Variants in PCDHGC3 observed in about 807,000 individuals in gnomAD.
PCDHGC3 encodes protocadherin gamma-C3.
A neutral mutation model predicts 59.2 loss-of-function variants in PCDHGC3; 26 were observed. The ratio of observed to expected loss-of-function variants is 0.44; its 90% CI spans 0.32 to 0.61. The LOEUF is 0.61. Ranked by LOEUF, PCDHGC3 falls within the 20% of genes least tolerant of loss-of-function variation. PCDHGC3 has a pLI of 0.05. For missense variants in PCDHGC3, 1,080 were observed against 1,221.8 expected (o/e 0.88, Z 1.73); for synonymous variants, 487 against 519.7 (o/e 0.94, Z 0.86).
At position 141,490,735 on chromosome 5, in the gene PCDHGC3, C is replaced by T; in HGVS notation, c.2431-4072C>T. The T allele has an allele frequency of 2.5e-6, 4 of 1,614,194 alleles. No individual in the cohort carries two copies. Among genetic ancestry groups the T allele is most frequent in the Non-Finnish European group, 2.5e-6 (3 of 1,180,018 alleles). ...CTACTCCATTGTAGGAAATCAGGTTCAGGGAGCCCCAGCCTCCTCCTTTGT... is the reference window on the plus strand; with the variant it reads ...CTACTCCATTGTAGGAAATCAGGTTTAGGGAGCCCCAGCCTCCTCCTTTGT... On this transcript the variant is annotated intron_variant, in intron 1 of 3. Transcript: ENST00000308177. This position sits in a 1 kb window ranked among gnomAD's most constrained non-coding sequence, Gnocchi z 5.4.
rs185280755 is a variant in PCDHGC3 at position 141,476,824 on chromosome 5, C to T, written c.708C>T (p.Asp236=). Reference sequence around the variant, plus strand: ...TGCCTATTCACATCAAGGTGCTGGACGCGAATGACAATGCGCCTGTCTTCA... The same window carrying T: ...TGCCTATTCACATCAAGGTGCTGGATGCGAATGACAATGCGCCTGTCTTCA... ...ASLPIHIKVL[D]ANDNAPVFNQ... Residue 236 remains aspartate, a synonymous_variant, in exon 1 of 4, where the codon GAC becomes GAT. Transcript: ENST00000308177. This position sits in a 1 kb window ranked among gnomAD's most constrained non-coding sequence, Gnocchi z 7.6. 24 of 1,613,588 alleles carry T rather than the reference C, an allele frequency of 1.5e-5. No homozygotes were observed. The East Asian group carries it at 4.5e-4, about 30-fold the overall frequency.
rs1188941232 is a variant in PCDHGC3, at chr5:141,512,270, G to A, written c.*1097G>A. ...TCTGTGGGTGCTGGGTACTCCAGAG[G>A]TGCCACTGGTGGAAGGGTCAGCGGA... On this transcript the variant is annotated 3_prime_UTR_variant, in exon 4 of 4. Coordinates refer to ENST00000308177, the MANE Select transcript of PCDHGC3 (RefSeq NM_002588.4). The A allele has an allele frequency of 1.3e-5, 2 of 152,714 alleles. No individual in the cohort carries two copies. The highest frequency in any genetic ancestry group is 2.9e-5 in the Non-Finnish European group (2 of 68,100). The allele number at this position is 152,714 out of a possible 1,614,324, so 9.5% of individuals were successfully genotyped here.
rs760095389 is a variant in PCDHGC3, at chr5:141,486,731, A to G, written c.2431-8076A>G. On this transcript the variant is annotated intron_variant, in intron 1 of 3. Transcript: ENST00000308177. The surrounding 1 kb of genome is among the most constrained non-coding windows in gnomAD (Gnocchi z 5.0). ...CCCCCAGACAGGAGCTGTTCATGCT[A>G]CTCGATCCTTTGACTATGAGCAAAC... The G allele has an allele frequency of 6.2e-7, 1 of 1,614,060 alleles. No individual in the cohort carries two copies. Among genetic ancestry groups the G allele is most frequent in the Non-Finnish European group, 8.5e-7 (1 of 1,180,012 alleles).
chr5:141,500,901 G>T (rs984072329), intron 2 of PCDHGC3, among the ~76,000 whole-genome samples: 1 of 144,582 alleles, frequency 6.9e-6, no homozygotes, highest in Non-Finnish European at 1.5e-5. Context: ...AGACAGTCTC[G>T]CTCTGTCTCC....
chr5:141,510,802 C>T (rs1358684730), intron 3 of PCDHGC3, 145 bp from the exon 4 acceptor site: 1 of 1,497,192 alleles, frequency 6.7e-7, no homozygotes, highest in African/African-American at 1.4e-5. Context: ...AGAGAGACTA[C>T]CTTGGTGACC....
intron 1 of PCDHGC3, among the ~76,000 whole-genome samples, chr5:141,492,781 T>C (rs945023154): frequency 9.9e-5 from 15 of 152,194 alleles, no homozygotes; most frequent in African/African-American, 3.6e-4. Flanking sequence ...TGAGTGAGCC[T>C]CTATAGGACA....
Position 141,511,378 on chromosome 5 carries a change from T to C in PCDHGC3, c.*205T>C. 1 of 1,202,114 alleles carries C rather than the reference T, an allele frequency of 8.3e-7. No homozygotes were observed. The highest frequency in any genetic ancestry group is 1.1e-6 in the Non-Finnish European group (1 of 882,194). The allele number at this position is 1,202,114 out of a possible 1,614,324, so 74.5% of individuals were successfully genotyped here. A position where few individuals can be genotyped will look rare whatever the true frequency, so the allele number is the denominator to read the frequency against. On this transcript the variant is annotated 3_prime_UTR_variant, in exon 4 of 4. Coordinates refer to ENST00000308177, the MANE Select transcript of PCDHGC3 (RefSeq NM_002588.4). ...AGGGGGTTGAATATGCAAAAGCAGT[T>C]CCGCTGGGAACCCCCATCCAATCAA...
At chr5:141,481,070 A>G (rs2099531062) in intron 1 of PCDHGC3, among the ~76,000 whole-genome samples, 1 of 152,144 alleles carries the variant, frequency 6.6e-6, no homozygotes, top group South Asian at 2.1e-4. Context: ...AAACAAAAAG[A>G]AAGAAAGAAA....
At position 141,477,115 on chromosome 5, in the gene PCDHGC3, A is replaced by G. The variant is rs1218111107; in HGVS notation, c.999A>G (p.Gly333=). ...AAGACAAGGGCGCCAATCCCGAAGG[A>G]GCACATTGCAAAGTGTTGGTGGAGG... ...QAKDKGANPE[G]AHCKVLVEVV... The change falls in exon 1 of 4, where the codon GGA becomes GGG. Residue 333 remains glycine, a synonymous_variant. Transcript: ENST00000308177. This position sits in a 1 kb window ranked among gnomAD's most constrained non-coding sequence, Gnocchi z 4.9. 1 of 1,614,230 alleles carries G rather than the reference A, an allele frequency of 6.2e-7. No homozygotes were observed. Among genetic ancestry groups the G allele is most frequent in the South Asian group, 1.1e-5 (1 of 91,090 alleles).
chr5:141,503,960 T>TTC (rs2099834474), intron 2 of PCDHGC3, among the ~76,000 whole-genome samples: 1 of 152,172 alleles, frequency 6.6e-6, no homozygotes, highest in Admixed American at 6.5e-5. Flanking sequence ...CCTACAGCCT[T>TTC]TCCCATGGTG....
chr5:141,477,512 A>G lies in PCDHGC3; in HGVS notation c.1396A>G (p.Ile466Val). 1.9e-6 allele frequency: 3 copies of G among 1,614,156 alleles called. No homozygotes were observed. Among genetic ancestry groups the G allele is most frequent in the South Asian group, 2.2e-5 (2 of 91,072 alleles). ...TTCTCAATCTTCCTACGACGTTTAC[A>G]TTGAAGAAAACAACCTCCCCGGGGC... ...QSSQSSYDVYIEENNLPGAPI... is the reference protein window; with the variant it reads ...QSSQSSYDVYVEENNLPGAPI... The change falls in exon 1 of 4, where the codon ATT becomes GTT. Residue 466 changes from isoleucine to valine, a missense_variant. Ile to Val is a conservative substitution (Grantham distance 29). Transcript: ENST00000308177. This position sits in a 1 kb window ranked among gnomAD's most constrained non-coding sequence, Gnocchi z 4.9.
In PCDHGC3 at chr5:141,477,602, C is replaced by G. The variant is rs772296229; in HGVS notation, c.1486C>G (p.Leu496Val). ...GCAGAATGCTCGGCTTTCTTTCTTT[C>G]TCTTGGAGCAAGGAGCTGAAACCGG... ...APQNARLSFFLLEQGAETGLV... is the reference protein window; with the variant it reads ...APQNARLSFFVLEQGAETGLV... The change falls in exon 1 of 4, where the codon CTC becomes GTC. Residue 496 changes from leucine to valine, a missense_variant. Physicochemically the swap from Leu to Val is conservative, Grantham distance 32 (BLOSUM62 1). Coordinates refer to ENST00000308177, the MANE Select transcript of PCDHGC3 (RefSeq NM_002588.4). This position sits in a 1 kb window ranked among gnomAD's most constrained non-coding sequence, Gnocchi z 4.9. 6.2e-7 allele frequency: 1 copy of G among 1,614,098 alleles called. No homozygotes were observed. Among genetic ancestry groups the G allele is most frequent in the East Asian group, 2.2e-5 (1 of 44,898 alleles).
Position 141,477,161 on chromosome 5 carries a change from G to A in PCDHGC3, c.1045G>A (p.Ala349Thr), listed in dbSNP as rs761453939. Residue 349 changes from alanine to threonine, a missense_variant, in exon 1 of 4, where the codon GCC (alanine) becomes ACC (threonine). Transcript: ENST00000308177. The surrounding 1 kb of genome is among the most constrained non-coding windows in gnomAD (Gnocchi z 4.9). ...LVEVVDVNDN[A>T]PEITVTSVYS... ...GGAGGTTGTGGATGTGAATGACAAC[G>A]CCCCGGAGATCACAGTCACCTCCGT... 1.9e-6 allele frequency: 3 copies of A among 1,613,988 alleles called. No individual in the cohort carries two copies. The highest frequency in any genetic ancestry group is 2.7e-5 in the African/African-American group (2 of 74,904).
Position 141,477,856 on chromosome 5 carries a change from G to T in PCDHGC3, c.1740G>T (p.Leu580=), listed in dbSNP as rs773703641. ...PRPGGSSVEM[L]PRGTSAGHLV... ...CAGGTGGGAGCTCGGTGGAGATGCTGCCTCGAGGTACCTCAGCTGGCCACC... is the reference window on the plus strand; with the variant it reads ...CAGGTGGGAGCTCGGTGGAGATGCTTCCTCGAGGTACCTCAGCTGGCCACC... Residue 580 remains leucine, a synonymous_variant, in exon 1 of 4, where the codon CTG becomes CTT. Coordinates refer to ENST00000308177, the MANE Select transcript of PCDHGC3 (RefSeq NM_002588.4). This position sits in a 1 kb window ranked among gnomAD's most constrained non-coding sequence, Gnocchi z 4.9. 1 of 1,613,474 alleles carries T rather than the reference G, an allele frequency of 6.2e-7. No homozygotes were observed. Among genetic ancestry groups the T allele is most frequent in the Non-Finnish European group, 8.5e-7 (1 of 1,179,854 alleles).
chr5:141,499,689 C>CTTTTTTTT (rs545067566), intron 2 of PCDHGC3, among the ~76,000 whole-genome samples: 2 of 119,854 alleles, frequency 1.7e-5, no homozygotes, highest in Non-Finnish European at 1.7e-5. Context: ...TAACAGATGA[C>CTTTTTTTT]TTTTTTTTTT....
intron 1 of PCDHGC3, chr5:141,479,712 C>T (rs1488849933): frequency 6.6e-6 from 1 of 152,216 alleles, no homozygotes; most frequent in Non-Finnish European, 1.5e-5. Flanking sequence ...CCCTGTCCTT[C>T]CAGCCTTATT....
At chr5:141,488,738 ATGCAGGAAGT>A (rs771423337) in intron 1 of PCDHGC3, among the ~76,000 whole-genome samples, 1 of 152,222 alleles carries the variant, frequency 6.6e-6, no homozygotes, top group Non-Finnish European at 1.5e-5. Flanking sequence ...TTCTGAAGTC[ATGCAGGAAGT>A]TGCTGGGACA....
intron 2 of PCDHGC3, among the ~76,000 whole-genome samples, chr5:141,495,471 G>A (rs2099761632): frequency 6.6e-6 from 1 of 152,190 alleles, no homozygotes; most frequent in Non-Finnish European, 1.5e-5. Context: ...TGGGGTCTCC[G>A]TGTCTCTGCC....
In PCDHGC3 at chr5:141,489,399, C is replaced by A. The variant is rs2099686689; in HGVS notation, c.2431-5408C>A. On this transcript the variant is annotated intron_variant, in intron 1 of 3. Coordinates refer to ENST00000308177, the MANE Select transcript of PCDHGC3 (RefSeq NM_002588.4). The surrounding 1 kb of genome is among the most constrained non-coding windows in gnomAD (Gnocchi z 4.5). ...TGGGGAATGTTGCTCAGGATCTGGGCTTAAAGATGACAGATCTGTTGAGCC... is the reference window on the plus strand; with the variant it reads ...TGGGGAATGTTGCTCAGGATCTGGGATTAAAGATGACAGATCTGTTGAGCC... 1 of 1,614,024 alleles carries A rather than the reference C, an allele frequency of 6.2e-7. No homozygotes were observed. Among genetic ancestry groups the A allele is most frequent in the African/African-American group, 1.3e-5 (1 of 74,910 alleles).
Sources: allele counts gnomAD v4.1 joint callset (sites outside exome capture counted in the v4.1 genomes callset), GRCh38; gene constraint gnomAD v4.1.1; non-coding constraint Gnocchi (gnomAD v3.1); transcripts MANE v1.5; gene names NCBI Gene and HGNC (gene_info 2026-07-23, HGNC 2026-07-21).